The following TRIM49 variants were observed in gnomAD, a reference collection of about 807,000 sequenced individuals.
TRIM49 encodes tripartite motif-containing protein 49.
In TRIM49, 5 loss-of-function variants were observed where a neutral mutation model predicts 27.4. That is an observed-to-expected ratio of 0.18 (90% CI 0.10 to 0.38). The LOEUF is 0.38. Ranked by LOEUF, TRIM49 falls within the 10% of genes least tolerant of loss-of-function variation. The pLI is 1.00. For synonymous variants in TRIM49, 69 were observed against 166.0 expected (o/e 0.42, Z 4.49); for missense variants, 188 against 487.5 (o/e 0.39, Z 5.79).
chr11:89,790,668 A>G, the TRIM49 span, among the ~76,000 whole-genome samples: 2 of 151,886 alleles, frequency 1.3e-5, no homozygotes, highest in Non-Finnish European at 2.9e-5. Context: ...GAAAACTCCA[A>G]CAGACCTGCA....
chr11:89,794,248 A>G (rs1347773456), downstream of TRIM49, among the ~76,000 whole-genome samples: 5 of 125,482 alleles, frequency 4.0e-5, no homozygotes, highest in Non-Finnish European at 6.8e-5. Flanking sequence ...GGATACAAAC[A>G]AATGGAAGAA....
At chr11:89,767,954 G>T in the TRIM49 span, among the ~76,000 whole-genome samples, 1 of 137,328 alleles carries the variant, frequency 7.3e-6, no homozygotes, top group East Asian at 2.1e-4. Context: ...ATGGTTCTAC[G>T]TCCTAAAAAG....
the TRIM49 span, among the ~76,000 whole-genome samples, chr11:89,791,738 AG>A: frequency 6.6e-6 from 1 of 152,222 alleles, no homozygotes; most frequent in Non-Finnish European, 1.5e-5. Context: ...GAGCTCCTAA[AG>A]GAAGCACTAA....
Position 89,798,449 on chromosome 11 carries a change from A to G in TRIM49, c.1040T>C (p.Val347Ala). ...TSGKYYWEVH[V>A]GDSWNWAFGV... ...AAAAGCCCAATTCCAGGAGTCCCCT[A>G]CATGGACCTCCCAGTAATATTTGCC... Residue 347 changes from valine (V) to alanine (A), a missense_variant, in exon 8 of 8, where the codon GTA (valine) becomes GCA (alanine). Physicochemically the swap from Val to Ala is moderately conservative, Grantham distance 64. Transcript: ENST00000329758. 6.2e-7 allele frequency: 1 copy of G among 1,601,046 alleles called. No individual in the cohort carries two copies. The highest frequency in any genetic ancestry group is 8.5e-7 in the Non-Finnish European group (1 of 1,177,176).
At chr11:89,783,905 G>T in the TRIM49 span, among the ~76,000 whole-genome samples, 1 of 143,576 alleles carries the variant, frequency 7.0e-6, no homozygotes, top group South Asian at 2.1e-4. Flanking sequence ...TTTTACCTCT[G>T]TGTGCAGGAA....
At chr11:89,769,111 G>C in the TRIM49 span, among the ~76,000 whole-genome samples, 2 of 132,550 alleles carry the variant, frequency 1.5e-5, no homozygotes, top group Admixed American at 1.4e-4. Context: ...GAACTAAGGA[G>C]GCAGAAGTTG....
rs1283770312 is a variant in TRIM49, at chr11:89,804,076, C to A, written c.394G>T (p.Ala132Ser). The A allele has an allele frequency of 6.2e-7, 1 of 1,607,842 alleles. No individual in the cohort carries two copies. The highest frequency in any genetic ancestry group is 8.5e-7 in the Non-Finnish European group (1 of 1,177,664). ...TCACTTACCCGGTGTTCCTCAGCAG[C>A]CCACTCAATGGGACGGTGTCTGTGA... is the stretch of plus-strand genomic sequence containing the variant. The part of the protein sequence containing the change: ...RYHRHRPIEW[A>S]AEEHREKLLQ... The change falls in exon 3 of 8, where the codon GCT becomes TCT. Residue 132 changes from alanine to serine, a missense_variant. Coordinates refer to ENST00000329758, the MANE Select transcript of TRIM49 (RefSeq NM_020358.2).
At chr11:89,766,822 T>C in the TRIM49 span, 1 of 1,326,688 alleles carries the variant, frequency 7.5e-7, no homozygotes, top group Non-Finnish European at 1.0e-6. Context: ...AGAAGAAATA[T>C]GTCCTTAGAT....
chr11:89,785,915 G>A, the TRIM49 span: 2 of 142,368 alleles, frequency 1.4e-5, no homozygotes, highest in Admixed American at 6.8e-5. Context: ...TTTCCCGGAC[G>A]GTGCCGCGAT....
the TRIM49 span, among the ~76,000 whole-genome samples, chr11:89,790,955 TA>T: frequency 2.0e-5 from 3 of 151,974 alleles, no homozygotes; most frequent in African/African-American, 7.3e-5. Context: ...TTCTCCAAGC[TA>T]AAGGAGGAAG....
the TRIM49 span, among the ~76,000 whole-genome samples, chr11:89,774,161 C>T: frequency 2.7e-5 from 4 of 150,348 alleles, no homozygotes; most frequent in East Asian, 2.0e-4. Flanking sequence ...CCACCGAACT[C>T]GGCTAATTTT....
chr11:89,803,629 T>C, intron 4 of TRIM49, 69 bp downstream of exon 4: 2 of 766,656 alleles, frequency 2.6e-6, no homozygotes, highest in Non-Finnish European at 4.2e-6. Flanking sequence ...GATATCAAGT[T>C]CCTATTTTAA....
intron 2 of TRIM49, among the ~76,000 whole-genome samples, chr11:89,804,810 C>T (rs2134646465): frequency 6.6e-6 from 1 of 151,464 alleles, no homozygotes; most frequent in South Asian, 2.1e-4. Context: ...TGTCCCTATT[C>T]TTCTTTCAAT....
chr11:89,772,191 T>C, the TRIM49 span, among the ~76,000 whole-genome samples: 2 of 138,262 alleles, frequency 1.4e-5, 1 homozygote, highest in South Asian at 4.4e-4. Flanking sequence ...TATTTTCTTT[T>C]TATTTTCTTA....
At chr11:89,792,953 G>C (rs1769468725), downstream of TRIM49, among the ~76,000 whole-genome samples, 1 of 152,156 alleles carries the variant, frequency 6.6e-6, no homozygotes, top group Non-Finnish European at 1.5e-5. Context: ...AGTGAATCCA[G>C]GAGCTGGTTT....
At chr11:89,796,274 C>T (rs1451385294), downstream of TRIM49, among the ~76,000 whole-genome samples, 3 of 151,230 alleles carry the variant, frequency 2.0e-5, no homozygotes, top group South Asian at 4.2e-4. Context: ...GTCATTCTGT[C>T]ACAGGCTGGA....
At chr11:89,777,447 C>G in the TRIM49 span, 7 of 1,528,586 alleles carry the variant, frequency 4.6e-6, no homozygotes, top group Admixed American at 1.4e-4. Flanking sequence ...ATGATGAGGG[C>G]CTGTGATAAT....
At chr11:89,768,804 A>G in the TRIM49 span, 3 of 506,032 alleles carry the variant, frequency 5.9e-6, no homozygotes, top group South Asian at 4.3e-5. Flanking sequence ...ATTGATGGCC[A>G]TTAACATACC....
At chr11:89,796,189 A>G (rs947009936), downstream of TRIM49, among the ~76,000 whole-genome samples, 4 of 152,068 alleles carry the variant, frequency 2.6e-5, no homozygotes, top group African/African-American at 9.7e-5. Flanking sequence ...TAAAATACCT[A>G]TAATTAGCGC....
Sources: allele counts gnomAD v4.1 joint callset (sites outside exome capture counted in the v4.1 genomes callset), GRCh38; gene constraint gnomAD v4.1.1; transcripts MANE v1.5; gene names NCBI Gene and HGNC (gene_info 2026-07-23, HGNC 2026-07-21).